Variants in SYK observed in about 807,000 individuals in gnomAD.
The protein encoded by SYK is tyrosine-protein kinase SYK.
A neutral mutation model predicts 77.8 loss-of-function variants in SYK; 16 were observed. The ratio of observed to expected loss-of-function variants is 0.21; its 90% CI spans 0.14 to 0.31. The LOEUF (loss-of-function observed/expected upper bound fraction) is 0.31, where lower values mean the gene tolerates loss of function less well. SYK is among the 10% of genes least tolerant of loss of function. The probability of loss-of-function intolerance (pLI) is 1.00; values close to 1 mark genes in which losing one functional copy is unlikely to be tolerated. For synonymous variants in SYK, 312 were observed against 308.7 expected, an observed-to-expected ratio of 1.01 and a Z score of -0.11; for missense variants, 529 against 814.4, an observed-to-expected ratio of 0.65 and a Z score of 4.26.
intron 1 of SYK, among the ~76,000 whole-genome samples, chr9:90,830,806 C>G (rs996665272): frequency 1.3e-5 from 2 of 151,994 alleles, no homozygotes; most frequent in Admixed American, 1.3e-4. Context: ...AGGATGGTCT[C>G]AATCTCCTGA....
At chr9:90,881,490 G>T (rs1297279407) in intron 11 of SYK, among the ~76,000 whole-genome samples, 1 of 151,998 alleles carries the variant, frequency 6.6e-6, no homozygotes, top group Non-Finnish European at 1.5e-5. Flanking sequence ...GACCAGCCTG[G>T]CCAACATGGT....
At chr9:90,818,115 T>C (rs983134633) in intron 1 of SYK, among the ~76,000 whole-genome samples, 17 of 152,284 alleles carry the variant, frequency 1.1e-4, no homozygotes, top group Middle Eastern at 3.4e-3. Context: ...CATAGCTGCA[T>C]TGGGCTCCGC....
chr9:90,808,355 A>G (rs1301144352), intron 1 of SYK, among the ~76,000 whole-genome samples: 2 of 150,862 alleles, frequency 1.3e-5, no homozygotes, highest in Admixed American at 1.3e-4. Context: ...TGAGTGCACC[A>G]TTACCCCCGT....
At chr9:90,840,251 A>C (rs1826246511) in intron 1 of SYK, among the ~76,000 whole-genome samples, 1 of 152,192 alleles carries the variant, frequency 6.6e-6, no homozygotes, top group Non-Finnish European at 1.5e-5. Flanking sequence ...CAGCATCCGC[A>C]TCACCAGGAT....
chr9:90,830,731 G>A (rs371758742), intron 1 of SYK, among the ~76,000 whole-genome samples: 51 of 151,900 alleles, frequency 3.4e-4, no homozygotes, highest in African/African-American at 1.1e-3. Context: ...GACTACAGGC[G>A]CCCACCACCA....
intron 1 of SYK, among the ~76,000 whole-genome samples, chr9:90,841,445 G>T (rs1020885251): frequency 1.3e-5 from 2 of 151,766 alleles, no homozygotes; most frequent in Non-Finnish European, 2.9e-5. Flanking sequence ...TGTGTGTGTA[G>T]TGTGTATGTA....
chr9:90,868,163 C>T (rs2613310), intron 7 of SYK, among the ~76,000 whole-genome samples: 128,568 of 152,232 alleles, frequency 0.84, 54,697 homozygotes, highest in East Asian at 0.95. Flanking sequence ...GTGTTGACCA[C>T]AGAACAGAAA....
At chr9:90,830,196 C>T (rs1322129187) in intron 1 of SYK, among the ~76,000 whole-genome samples, 4 of 152,268 alleles carry the variant, frequency 2.6e-5, no homozygotes, top group Admixed American at 6.5e-5. Flanking sequence ...CAATGTAAGG[C>T]TGTGCCTTGG....
At chr9:90,816,301 T>G (rs1825290510) in intron 1 of SYK, among the ~76,000 whole-genome samples, 1 of 152,224 alleles carries the variant, frequency 6.6e-6, no homozygotes, top group African/African-American at 2.4e-5. Context: ...AGAAGGCAGA[T>G]AGCTGTGCTT....
intron 9 of SYK, among the ~76,000 whole-genome samples, chr9:90,875,455 T>G (rs1827890698): frequency 6.6e-6 from 1 of 152,070 alleles, no homozygotes; most frequent in South Asian, 2.1e-4. Context: ...TATAATACCA[T>G]CCCAACACTA....
chr9:90,892,513 GC>G (rs1248527973), intron 13 of SYK, among the ~76,000 whole-genome samples: 2 of 152,168 alleles, frequency 1.3e-5, no homozygotes, highest in Non-Finnish European at 2.9e-5. Context: ...TTTTGGGATG[GC>G]CCATGCTTCA....
chr9:90,843,387 C>T (rs939943832), intron 1 of SYK, among the ~76,000 whole-genome samples: 3 of 152,148 alleles, frequency 2.0e-5, no homozygotes, highest in African/African-American at 7.2e-5. Flanking sequence ...GTGGTGGTAG[C>T]GTCCTCCTTG....
At chr9:90,802,677 A>G (rs1298690993) in intron 1 of SYK, among the ~76,000 whole-genome samples, 1 of 152,164 alleles carries the variant, frequency 6.6e-6, no homozygotes, top group Non-Finnish European at 1.5e-5. Flanking sequence ...TTCAAGGACT[A>G]GAAAGACAAT....
intron 1 of SYK, among the ~76,000 whole-genome samples, chr9:90,831,038 C>A (rs1327591252): frequency 1.3e-5 from 2 of 152,102 alleles, no homozygotes; most frequent in South Asian, 2.1e-4. Flanking sequence ...GCGTGATAAG[C>A]CTGGATATCT....
chr9:90,888,397 C>T, intron 12 of SYK, 118 bp from the exon 13 acceptor site: 1 of 749,184 alleles, frequency 1.3e-6, no homozygotes, highest in Non-Finnish European at 2.1e-6. Context: ...TGTTTTTATA[C>T]TTCGTATAAT....
At chr9:90,831,887 A>G (rs1186776283) in intron 1 of SYK, among the ~76,000 whole-genome samples, 2 of 152,206 alleles carry the variant, frequency 1.3e-5, no homozygotes, top group African/African-American at 2.4e-5. Context: ...CCCAAACACA[A>G]TGCTAAAGTA....
At chr9:90,866,861 C>T (rs1459434866) in intron 6 of SYK, among the ~76,000 whole-genome samples, 1 of 152,188 alleles carries the variant, frequency 6.6e-6, no homozygotes, top group African/African-American at 2.4e-5. Flanking sequence ...CCACGTGAAG[C>T]ATGAGCTAGT....
At chr9:90,884,486 C>T (rs796787883) in intron 11 of SYK, among the ~76,000 whole-genome samples, 424 of 18,852 alleles carry the variant, frequency 0.022, 180 homozygotes, top group East Asian at 0.22. Context: ...CATACACACA[C>T]ATACACATAT....
intron 3 of SYK, among the ~76,000 whole-genome samples, chr9:90,847,405 TTCCTGGGTTCTTATTC>T (rs1275703601): frequency 1.3e-5 from 2 of 152,062 alleles, no homozygotes; most frequent in South Asian, 2.1e-4. Flanking sequence ...TGGGTTCTTA[TTCCTGGGTTCTTATTC>T]TCCTGGGTTC....
Sources: allele counts gnomAD v4.1 joint callset (sites outside exome capture counted in the v4.1 genomes callset), GRCh38; gene constraint gnomAD v4.1.1; transcripts MANE v1.5; gene names NCBI Gene and HGNC (gene_info 2026-07-23, HGNC 2026-07-21).